CAMTA1: variants seen among roughly 807,000 people sequenced by gnomAD.
The protein encoded by CAMTA1 is calmodulin binding transcription activator 1.
Under a neutral mutation model 170.9 loss-of-function variants are expected in CAMTA1, and 27 were observed. The ratio of observed to expected loss-of-function variants is 0.16; its 90% CI spans 0.12 to 0.22. CAMTA1 has a LOEUF of 0.22. Among genes scored for constraint, CAMTA1 ranks in the 10% least tolerant of loss-of-function variants. The probability of loss-of-function intolerance (pLI) is 1.00; values close to 1 mark genes in which losing one functional copy is unlikely to be tolerated. For synonymous variants in CAMTA1, 833 were observed against 891.5 expected, an observed-to-expected ratio of 0.93 and a Z score of 1.17; for missense variants, 1,619 against 2,217.2, an observed-to-expected ratio of 0.73 and a Z score of 5.42.
intron 3 of CAMTA1, among the ~76,000 whole-genome samples, chr1:7,085,852 A>G (rs930312768): frequency 1.3e-5 from 2 of 152,132 alleles, no homozygotes; most frequent in Non-Finnish European, 2.9e-5. Flanking sequence ...GTGGGTGACC[A>G]TTGCCTCTGG....
chr1:7,511,718 G>A (rs2094204077), intron 6 of CAMTA1, among the ~76,000 whole-genome samples: 1 of 152,152 alleles, frequency 6.6e-6, no homozygotes, highest in Admixed American at 6.5e-5. Flanking sequence ...GGCTGGTGAG[G>A]TTTCCTGGAC....
intron 4 of CAMTA1, among the ~76,000 whole-genome samples, chr1:7,153,034 G>A (rs1183733917): frequency 6.6e-6 from 1 of 152,192 alleles, no homozygotes; most frequent in Non-Finnish European, 1.5e-5. Flanking sequence ...CCAGAGCCTC[G>A]AGGTCATTTC....
At chr1:7,167,169 A>G (rs1337706624) in intron 4 of CAMTA1, among the ~76,000 whole-genome samples, 1 of 152,120 alleles carries the variant, frequency 6.6e-6, no homozygotes, top group Non-Finnish European at 1.5e-5. Flanking sequence ...TGTTTACTAA[A>G]TCTTTATCCT....
chr1:7,632,011 G>T (rs774067264), intron 6 of CAMTA1, among the ~76,000 whole-genome samples: 1 of 151,888 alleles, frequency 6.6e-6, no homozygotes, highest in East Asian at 1.9e-4. Flanking sequence ...ACCCAGTGTC[G>T]CCCAGTGTCG....
rs528088145 is a variant in CAMTA1 at position 6,857,847 on chromosome 1, A to G, written c.234+32637A>G. On this transcript the variant is annotated intron_variant, in intron 3 of 22. Transcript: ENST00000303635. Reference sequence around the variant, plus strand: ...GTAAAAAGAAAAAAAAAGCCTATTAATGGGGAGATCTAGGGATGTTGAGGT... The same window carrying G: ...GTAAAAAGAAAAAAAAAGCCTATTAGTGGGGAGATCTAGGGATGTTGAGGT... Among the ~76,000 whole-genome samples the G allele has an allele frequency of 3.4e-4, 51 of 152,184 alleles. 1 individual carries two copies. Among genetic ancestry groups the G allele is most frequent in the Non-Finnish European group, 6.6e-4 (45 of 68,024 alleles).
intron 5 of CAMTA1, among the ~76,000 whole-genome samples, chr1:7,257,713 GT>G (rs58070259): frequency 1.3e-5 from 2 of 151,424 alleles, no homozygotes; most frequent in African/African-American, 2.4e-5. Context: ...ATAAACAACA[GT>G]TTTTTTTTAG....
intron 4 of CAMTA1, among the ~76,000 whole-genome samples, chr1:7,103,762 GCA>G (rs1348844135): frequency 1.4e-5 from 2 of 148,022 alleles, no homozygotes; most frequent in African/African-American, 2.5e-5. Flanking sequence ...TTACACACAT[GCA>G]CACACAACAC....
At chr1:6,961,181 C>T (rs181390115) in intron 3 of CAMTA1, among the ~76,000 whole-genome samples, 12 of 152,314 alleles carry the variant, frequency 7.9e-5, no homozygotes, top group East Asian at 3.9e-4. Flanking sequence ...GATTGGGCTG[C>T]GATGCAGTTA....
chr1:7,119,514 A>G (rs545400563), intron 4 of CAMTA1, among the ~76,000 whole-genome samples: 10 of 152,308 alleles, frequency 6.6e-5, no homozygotes, highest in African/African-American at 2.4e-4. Context: ...GATAGTTAAC[A>G]TGGAAGAACC....
chr1:7,001,416 G>A lies in CAMTA1; in HGVS notation c.235-89888G>A, dbSNP rs1314474900. Among the ~76,000 whole-genome samples, 4 of 152,150 alleles carry A rather than the reference G, an allele frequency of 2.6e-5. No individual in the cohort carries two copies. In the East Asian group the frequency reaches 5.8e-4, roughly 22 times the overall value. On this transcript the variant is annotated intron_variant, in intron 3 of 22. Transcript: ENST00000303635. ...AGCTGAGGAGCTCACCACTTTGCAC[G>A]CTGACCTGCTATTTCTGCAATAGTA...
chr1:7,242,664 C>T (rs59472587), intron 4 of CAMTA1, among the ~76,000 whole-genome samples: 9,399 of 152,102 alleles, frequency 0.062, 931 homozygotes, highest in African/African-American at 0.21. Context: ...CGTGGTGGCT[C>T]ACGCCTGTAA....
At chr1:6,990,632 A>G (rs544086953) in intron 3 of CAMTA1, among the ~76,000 whole-genome samples, 1 of 152,254 alleles carries the variant, frequency 6.6e-6, no homozygotes, top group African/African-American at 2.4e-5. Context: ...GACACAGAAC[A>G]TTTCTATCAT....
intron 5 of CAMTA1, among the ~76,000 whole-genome samples, chr1:7,315,063 G>A (rs1191688223): frequency 1.3e-5 from 2 of 152,204 alleles, no homozygotes; most frequent in Non-Finnish European, 2.9e-5. Context: ...GGTCAGTGAA[G>A]GGTGCAGAGA....
intron 6 of CAMTA1, among the ~76,000 whole-genome samples, chr1:7,593,094 T>C (rs984820419): frequency 6.6e-6 from 1 of 152,146 alleles, no homozygotes; most frequent in Non-Finnish European, 1.5e-5. Context: ...GCCACTCCAC[T>C]CTGGGGCAGT....
chr1:7,655,228 A>G (rs1389102560), intron 7 of CAMTA1, among the ~76,000 whole-genome samples: 2 of 148,944 alleles, frequency 1.3e-5, no homozygotes, highest in Non-Finnish European at 3.0e-5. Context: ...ATCTATACAC[A>G]CACACACCTA....
At chr1:6,942,170 TATACA>T (rs1211558209) in intron 3 of CAMTA1, among the ~76,000 whole-genome samples, 6 of 152,096 alleles carry the variant, frequency 3.9e-5, no homozygotes, top group Non-Finnish European at 8.8e-5. Context: ...ATAATTGGCC[TATACA>T]ATACACCCTG....
chr1:6,861,684 T>C (rs1428452888), intron 3 of CAMTA1, among the ~76,000 whole-genome samples: 1 of 152,228 alleles, frequency 6.6e-6, no homozygotes, highest in Non-Finnish European at 1.5e-5. Context: ...TAGCTTGATA[T>C]GGATTGGCCA....
chr1:7,496,076 G>C (rs2149738148), intron 6 of CAMTA1, among the ~76,000 whole-genome samples: 1 of 152,336 alleles, frequency 6.6e-6, no homozygotes, highest in South Asian at 2.1e-4. Context: ...CCGGAGGGGA[G>C]CGGCCTGTGC....
intron 6 of CAMTA1, among the ~76,000 whole-genome samples, chr1:7,472,250 G>C (rs60033238): frequency 6.6e-6 from 1 of 152,174 alleles, no homozygotes; most frequent in Non-Finnish European, 1.5e-5. Context: ...TGGCAGTGCA[G>C]GTCGGGGCTC....
Sources: allele counts gnomAD v4.1 joint callset (sites outside exome capture counted in the v4.1 genomes callset), GRCh38; gene constraint gnomAD v4.1.1; transcripts MANE v1.5; gene names NCBI Gene and HGNC (gene_info 2026-07-23, HGNC 2026-07-21).